AGAP1: variants seen among roughly 807,000 people sequenced by gnomAD.
AGAP1 encodes arf-GAP with GTPase, ANK repeat and PH domain-containing protein 1.
In AGAP1, 29 loss-of-function variants were observed where a neutral mutation model predicts 105.3. The observed-to-expected ratio is 0.28, with a 90% CI of 0.21 to 0.38. AGAP1 has a LOEUF of 0.38. Ranked by LOEUF, AGAP1 falls within the 10% of genes least tolerant of loss-of-function variation. The probability of loss-of-function intolerance (pLI) is 1.00; values close to 1 mark genes in which losing one functional copy is unlikely to be tolerated. For missense variants in AGAP1, 998 were observed against 1,165.1 expected (o/e 0.86, Z 2.09); for synonymous variants, 509 against 485.9 (o/e 1.05, Z -0.63).
intron 6 of AGAP1, among the ~76,000 whole-genome samples, chr2:235,772,081 C>T (rs1311843893): frequency 6.6e-6 from 1 of 151,198 alleles, no homozygotes; most frequent in Non-Finnish European, 1.5e-5. Context: ...CTGCAACCTC[C>T]GCCTCCGAGT....
intron 1 of AGAP1, among the ~76,000 whole-genome samples, chr2:235,520,279 C>G (rs1403316797): frequency 6.6e-6 from 1 of 152,198 alleles, no homozygotes; most frequent in Non-Finnish European, 1.5e-5. Flanking sequence ...CATAACTTTT[C>G]CCTTCAGTTT....
rs745864019 is a variant in AGAP1, at chr2:235,744,815, C to T, written c.514C>T (p.Pro172Ser). The change falls in exon 5 of 18, where the codon CCT becomes TCT. Residue 172 changes from proline to serine, a missense_variant. Around this residue, in one of 3 missense-constraint regions of AGAP1, gnomAD observed 735 missense variants for 833.4 expected, o/e 0.88. Coordinates refer to ENST00000304032, the MANE Select transcript of AGAP1 (RefSeq NM_001037131.3). This position sits in a 1 kb window ranked among gnomAD's most constrained non-coding sequence, Gnocchi z 5.2. The stretch of plus-strand genomic sequence containing the variant: ...CAACTATCGGAACACGAGCGAGATT[C>T]CTCTGGTTCTGGTGGGAACCCAGGG... The part of the protein sequence containing the change: ...MANYRNTSEI[P>S]LVLVGTQDAI... The T allele has an allele frequency of 6.2e-7, 1 of 1,614,028 alleles. No individual in the cohort carries two copies. The highest frequency in any genetic ancestry group is 1.1e-5 in the South Asian group (1 of 91,074).
chr2:235,541,376 CTTTTTT>C (rs556785424), intron 1 of AGAP1, among the ~76,000 whole-genome samples: 1 of 91,108 alleles, frequency 1.1e-5, no homozygotes, highest in African/African-American at 4.2e-5. Context: ...CATTCTTATT[CTTTTTT>C]TTTTTTTTTT....
Position 235,625,601 on chromosome 2 carries a change from G to T in AGAP1, c.164-83578G>T, listed in dbSNP as rs1427437121. Among the ~76,000 whole-genome samples, 3 of 152,212 alleles carry T rather than the reference G, an allele frequency of 2.0e-5. No homozygotes were observed. The highest frequency in any genetic ancestry group is 4.4e-5 in the Non-Finnish European group (3 of 68,040). The stretch of plus-strand genomic sequence containing the variant: ...TATAAACTTCAGCTTAAAAGGTGGG[G>T]TTAATAGGGAACAACATAAATGAGG... On this transcript the variant is annotated intron_variant, in intron 1 of 17. Coordinates refer to ENST00000304032, the MANE Select transcript of AGAP1 (RefSeq NM_001037131.3). The surrounding 1 kb of genome is among the most constrained non-coding windows in gnomAD (Gnocchi z 4.0).
At position 235,675,347 on chromosome 2, in the gene AGAP1, C is replaced by T. The variant is rs561567690; in HGVS notation, c.164-33832C>T. ...CTGGGACTACAGGTGCCCGCCACCA[C>T]GCCCGGCTAATTTATTTGTATTTTT... On this transcript the variant is annotated intron_variant, in intron 1 of 17. Coordinates refer to ENST00000304032, the MANE Select transcript of AGAP1 (RefSeq NM_001037131.3). Among the ~76,000 whole-genome samples the T allele has an allele frequency of 7.2e-5, 11 of 152,096 alleles. No individual in the cohort carries two copies. The South Asian group carries it at 2.1e-3, about 29-fold the overall frequency.
At chr2:236,043,725 GAAAA>G (rs781763786) in intron 15 of AGAP1, among the ~76,000 whole-genome samples, 1 of 140,812 alleles carries the variant, frequency 7.1e-6, no homozygotes, top group South Asian at 2.3e-4. Flanking sequence ...CGTCTCAAGG[GAAAA>G]AAAAAAAGTG....
chr2:236,092,537 G>T lies in AGAP1; in HGVS notation c.2115-27655G>T, dbSNP rs1249450530. 1.3e-5 allele frequency among the ~76,000 whole-genome samples: 2 copies of T among 152,072 alleles called. No individual in the cohort carries two copies. The highest frequency in any genetic ancestry group is 2.9e-5 in the Non-Finnish European group (2 of 68,012). Reference sequence around the variant, plus strand: ...CCTCCCGAGTAAGCTGGGATTACAGGTGTCCGCCACCGTGCCCAGCTAATT... The same window carrying T: ...CCTCCCGAGTAAGCTGGGATTACAGTTGTCCGCCACCGTGCCCAGCTAATT... On this transcript the variant is annotated intron_variant, in intron 16 of 17. Transcript: ENST00000304032. This position sits in a 1 kb window ranked among gnomAD's most constrained non-coding sequence, Gnocchi z 4.7.
chr2:235,594,008 A>G (rs1246155172), intron 1 of AGAP1, among the ~76,000 whole-genome samples: 2 of 152,144 alleles, frequency 1.3e-5, no homozygotes, highest in Non-Finnish European at 2.9e-5. Context: ...AAAATCAATC[A>G]AATTCTAAGG....
intron 1 of AGAP1, among the ~76,000 whole-genome samples, chr2:235,644,560 A>G (rs537520027): frequency 6.6e-6 from 1 of 152,094 alleles, no homozygotes; most frequent in African/African-American, 2.4e-5. Context: ...GAGACCAACC[A>G]TTTTCTCTGC....
chr2:235,518,586 G>T (rs1942491243), intron 1 of AGAP1, among the ~76,000 whole-genome samples: 1 of 152,194 alleles, frequency 6.6e-6, no homozygotes, highest in Admixed American at 6.5e-5. Flanking sequence ...CTTGGGAGGG[G>T]CACGGAGCTT....
intron 16 of AGAP1, among the ~76,000 whole-genome samples, chr2:236,085,732 T>C (rs1300340931): frequency 1.3e-5 from 2 of 152,182 alleles, no homozygotes; most frequent in African/African-American, 4.8e-5. Flanking sequence ...CCAGGGACCA[T>C]GTGGTGGCCC....
At chr2:236,067,686 T>C (rs978667905) in intron 16 of AGAP1, among the ~76,000 whole-genome samples, 1 of 152,214 alleles carries the variant, frequency 6.6e-6, no homozygotes, top group East Asian at 1.9e-4. Context: ...AAGAAGAGAA[T>C]GGGGTCCTGT....
At chr2:235,514,080 G>T (rs929243969) in intron 1 of AGAP1, among the ~76,000 whole-genome samples, 1 of 152,186 alleles carries the variant, frequency 6.6e-6, no homozygotes, top group Non-Finnish European at 1.5e-5. Flanking sequence ...CAGAACACAT[G>T]TATCTGTATT....
chr2:235,495,410 C>T (rs1465414935), intron 1 of AGAP1, among the ~76,000 whole-genome samples: 2 of 152,238 alleles, frequency 1.3e-5, no homozygotes, highest in African/African-American at 4.8e-5. Flanking sequence ...CCAGGTGCCC[C>T]TGTGCAAACG....
chr2:235,719,675 C>T lies in AGAP1; in HGVS notation c.310+2031C>T, dbSNP rs905801187. 5.3e-5 allele frequency among the ~76,000 whole-genome samples: 8 copies of T among 152,198 alleles called. No homozygotes were observed. The highest frequency in any genetic ancestry group is 2.0e-4 in the Admixed American group (3 of 15,286). On this transcript the variant is annotated intron_variant, in intron 3 of 17. Transcript: ENST00000304032. This position sits in a 1 kb window ranked among gnomAD's most constrained non-coding sequence, Gnocchi z 4.9. ...GAAGTAGCTCATCCCCTCCATGGGGCCCCATGCCCAAGGCTTCCTGGGTCA... is the reference window on the plus strand; with the variant it reads ...GAAGTAGCTCATCCCCTCCATGGGGTCCCATGCCCAAGGCTTCCTGGGTCA...
chr2:235,831,185 A>T (rs1231042057), intron 9 of AGAP1, among the ~76,000 whole-genome samples: 1 of 37,936 alleles, frequency 2.6e-5, no homozygotes, highest in African/African-American at 6.6e-5. Flanking sequence ...CTTCTTCTTT[A>T]AAAAAAAAAA....
chr2:235,504,582 A>G lies in AGAP1; in HGVS notation c.163+9733A>G, dbSNP rs547347869. On this transcript the variant is annotated intron_variant, in intron 1 of 17. Coordinates refer to ENST00000304032, the MANE Select transcript of AGAP1 (RefSeq NM_001037131.3). ...TGTCATGAATAGCACCACTGTGCAG[A>G]TTCTCACTTGCCTTTTGGTGCCCAT... 2.6e-5 allele frequency among the ~76,000 whole-genome samples: 4 copies of G among 151,750 alleles called. No individual in the cohort carries two copies. In the East Asian group the frequency reaches 7.8e-4, roughly 30 times the overall value.
rs368183402 is a variant in AGAP1 at position 235,747,165 on chromosome 2, C to G, written c.538+2326C>G. 1.3e-5 allele frequency among the ~76,000 whole-genome samples: 2 copies of G among 152,218 alleles called. No homozygotes were observed. Among genetic ancestry groups the G allele is most frequent in the East Asian group, 3.9e-4 (2 of 5,154 alleles). ...TGCCTGGAATCCTGAACCCCACCCC[C>G]CACTGTCCCTGCCCCTGGAGGCAGC... On this transcript the variant is annotated intron_variant, in intron 5 of 17. Transcript: ENST00000304032. The surrounding 1 kb of genome is among the most constrained non-coding windows in gnomAD (Gnocchi z 5.0).
intron 1 of AGAP1, among the ~76,000 whole-genome samples, chr2:235,707,444 G>A (rs545526334): frequency 5.1e-4 from 68 of 132,960 alleles, no homozygotes; most frequent in Non-Finnish European, 8.9e-4. Context: ...CGTGGCATCT[G>A]GTTTGCTGCA....
Sources: gnomAD v4.1 joint callset for allele counts (sites outside exome capture counted in the v4.1 genomes callset) on GRCh38, gnomAD v4.1.1 for gene constraint, gnomAD v4.1.1 regional missense constraint, Gnocchi (gnomAD v3.1) non-coding constraint, MANE v1.5 for transcripts, NCBI Gene and HGNC (gene_info 2026-07-23, HGNC 2026-07-21) for gene names.